The following NME7 variants were observed in gnomAD, a reference collection of about 807,000 sequenced individuals.
NME7 encodes the protein NME/NM23 family member 7.
In NME7, 41 loss-of-function variants were observed where a neutral mutation model predicts 49.1. The observed-to-expected ratio is 0.83, with a 90% CI of 0.65 to 1.08. The LOEUF (loss-of-function observed/expected upper bound fraction) is 1.08, where lower values mean the gene tolerates loss of function less well. NME7 is among the 50% of genes least tolerant of loss of function. The pLI is 0.00. For missense variants in NME7, 423 were observed against 463.4 expected, an observed-to-expected ratio of 0.91 and a Z score of 0.80; for synonymous variants, 139 against 150.6, an observed-to-expected ratio of 0.92 and a Z score of 0.56.
At chr1:169,362,775 G>T (rs1653705605) in intron 1 of NME7, among the ~76,000 whole-genome samples, 2 of 152,166 alleles carry the variant, frequency 1.3e-5, no homozygotes, top group South Asian at 4.1e-4. Context: ...TGGCAAATAT[G>T]GAGGAGAGTG....
chr1:169,278,912 C>G (rs1034159596), intron 7 of NME7, among the ~76,000 whole-genome samples: 2 of 152,160 alleles, frequency 1.3e-5, no homozygotes, highest in African/African-American at 4.8e-5. Flanking sequence ...AGACAGGACC[C>G]TCCGCTGCAG....
At chr1:169,277,217 G>A (rs1407499942) in intron 7 of NME7, among the ~76,000 whole-genome samples, 2 of 148,084 alleles carry the variant, frequency 1.4e-5, no homozygotes, top group African/African-American at 4.9e-5. Context: ...TTGGTGCAGA[G>A]CTAAGTTCAA....
chr1:169,305,400 C>T (rs375372021), intron 4 of NME7, among the ~76,000 whole-genome samples: 23 of 152,322 alleles, frequency 1.5e-4, no homozygotes, highest in African/African-American at 4.8e-4. Flanking sequence ...CAAAGTCATA[C>T]AGAACTCAGC....
At chr1:169,152,135 C>A (rs1416973852) in intron 11 of NME7, among the ~76,000 whole-genome samples, 2 of 152,082 alleles carry the variant, frequency 1.3e-5, no homozygotes, top group Non-Finnish European at 2.9e-5. Flanking sequence ...AACAGGCCTG[C>A]CATAGAAGTT....
chr1:169,355,578 TAAAC>T (rs951977033), intron 1 of NME7, among the ~76,000 whole-genome samples: 3 of 151,148 alleles, frequency 2.0e-5, no homozygotes, highest in African/African-American at 7.3e-5. Context: ...GGTTACTAAA[TAAAC>T]CAAGCAGGCT....
In NME7 at chr1:169,319,542, G is replaced by A. The variant is rs115623701; in HGVS notation, c.278+3575C>T. 6.3e-3 allele frequency among the ~76,000 whole-genome samples: 952 copies of A among 152,166 alleles called. 11 individuals are homozygous for A. Among genetic ancestry groups the A allele is most frequent in the African/African-American group, 0.021 (892 of 41,522 alleles). ...CAAGCACAGGTCTCATCTAAAATAC[G>A]GCTTGTTTTTTTATCCATATACCAT... is the stretch of plus-strand genomic sequence containing the variant. On this transcript the variant is annotated intron_variant, in intron 3 of 11. Transcript: ENST00000367811.
intron 1 of NME7, among the ~76,000 whole-genome samples, chr1:169,327,991 T>G (rs1652125298): frequency 6.6e-6 from 1 of 152,168 alleles, no homozygotes; most frequent in Non-Finnish European, 1.5e-5. Context: ...GCTATTCCAT[T>G]CCTGATGATA....
intron 9 of NME7, among the ~76,000 whole-genome samples, chr1:169,232,490 T>C (rs10753785): frequency 0.61 from 92,586 of 151,110 alleles, 28,674 homozygotes; most frequent in East Asian, 0.92. Context: ...GAGAAGTACA[T>C]TAGGATGCAA....
At chr1:169,350,457 C>T (rs1464055593) in intron 1 of NME7, among the ~76,000 whole-genome samples, 2 of 151,954 alleles carry the variant, frequency 1.3e-5, no homozygotes, top group African/African-American at 4.8e-5. Flanking sequence ...ACAGCCTGTG[C>T]AAAACGCAGA....
intron 7 of NME7, among the ~76,000 whole-genome samples, chr1:169,276,639 C>A (rs1649742200): frequency 7.5e-6 from 1 of 132,782 alleles, no homozygotes. Flanking sequence ...AAAAAACCAG[C>A]TCCTGGATTC....
intron 11 of NME7, among the ~76,000 whole-genome samples, chr1:169,167,372 A>T (rs1171576256): frequency 6.6e-6 from 1 of 152,156 alleles, no homozygotes; most frequent in Non-Finnish European, 1.5e-5. Context: ...AGACTAATAG[A>T]TTTGATCACA....
intron 1 of NME7, among the ~76,000 whole-genome samples, chr1:169,326,094 T>C (rs867462128): frequency 6.6e-6 from 1 of 151,996 alleles, no homozygotes; most frequent in Non-Finnish European, 1.5e-5. Flanking sequence ...AAAATAAATA[T>C]AAAATAGAAG....
chr1:169,136,191 G>A (rs563391638), intron 11 of NME7, among the ~76,000 whole-genome samples: 1 of 152,266 alleles, frequency 6.6e-6, no homozygotes, highest in Admixed American at 6.5e-5. Context: ...CAATCCTGCA[G>A]GAATAGGACA....
Position 169,190,907 on chromosome 1 carries a change from G to A in NME7, c.991-21353C>T, listed in dbSNP as rs1229322019. ...GGCTCACTGCAAGCTCCGCCTCCCG[G>A]GTTCACGCCATTCTCCTGCCTCAGC... On this transcript the variant is annotated intron_variant, in intron 10 of 11. Coordinates refer to ENST00000367811, the MANE Select transcript of NME7 (RefSeq NM_013330.5). Among the ~76,000 whole-genome samples the A allele has an allele frequency of 2.4e-5, 2 of 83,408 alleles. 1 individual carries two copies. Among genetic ancestry groups the A allele is most frequent in the African/African-American group, 7.8e-5 (2 of 25,674 alleles). The allele number at this position is 83,408 out of a possible 152,430, so 54.7% of individuals were successfully genotyped here.
Position 169,310,022 on chromosome 1 carries a change from T to C in NME7, c.337A>G (p.Ile113Val). 6.2e-7 allele frequency: 1 copy of C among 1,608,790 alleles called. No individual in the cohort carries two copies. Among genetic ancestry groups the C allele is most frequent in the Non-Finnish European group, 8.5e-7 (1 of 1,177,728 alleles). Residue 113 changes from isoleucine (I) to valine (V), a missense_variant, in exon 4 of 12, where the codon ATA becomes GTA. Coordinates refer to ENST00000367811, the MANE Select transcript of NME7 (RefSeq NM_013330.5). Reference sequence around the variant, plus strand: ...GTTATAGTAAATCCAGCTTTGTTTATTATTTCAATTATTTCTCCAGCCTTT... The same window carrying C: ...GTTATAGTAAATCCAGCTTTGTTTACTATTTCAATTATTTCTCCAGCCTTT... ...ISKAGEIIEI[I>V]NKAGFTITKL...
At chr1:169,290,440 AT>A (rs965691735) in intron 6 of NME7, among the ~76,000 whole-genome samples, 7 of 151,940 alleles carry the variant, frequency 4.6e-5, no homozygotes, top group Non-Finnish European at 8.8e-5. Context: ...AATAAATGGT[AT>A]TGGGAAAACT....
intron 1 of NME7, among the ~76,000 whole-genome samples, chr1:169,325,191 G>A (rs1313790218): frequency 2.6e-5 from 4 of 152,072 alleles, no homozygotes; most frequent in Non-Finnish European, 5.9e-5. Flanking sequence ...AGAGATGCAA[G>A]GAAGGTTAAG....
chr1:169,257,320 C>T (rs1018536393), intron 7 of NME7, among the ~76,000 whole-genome samples: 3 of 134,276 alleles, frequency 2.2e-5, no homozygotes, highest in Admixed American at 7.3e-5. Context: ...GGGAGTGACC[C>T]GATTTTCCAG....
At chr1:169,235,394 T>C (rs1335423533) in intron 8 of NME7, among the ~76,000 whole-genome samples, 195 bp from the exon 9 acceptor site, 1 of 152,066 alleles carries the variant, frequency 6.6e-6, no homozygotes, top group Non-Finnish European at 1.5e-5. Context: ...AGCATCACTC[T>C]AGGTTCTATA....
Sources: gnomAD v4.1 joint callset for allele counts (sites outside exome capture counted in the v4.1 genomes callset) on GRCh38, gnomAD v4.1.1 for gene constraint, MANE v1.5 for transcripts, NCBI Gene and HGNC (gene_info 2026-07-23, HGNC 2026-07-21) for gene names.